EYA1: variants seen among roughly 807,000 people sequenced by gnomAD.
EYA1 encodes protein phosphatase EYA1.
Under a neutral mutation model 82.0 loss-of-function variants are expected in EYA1, and 16 were observed. The ratio of observed to expected loss-of-function variants is 0.20; its 90% CI spans 0.13 to 0.30. EYA1 has a LOEUF of 0.30. Ranked by LOEUF, EYA1 falls within the 10% of genes least tolerant of loss-of-function variation. EYA1 has a pLI of 1.00. For missense variants in EYA1, 633 were observed against 730.7 expected (o/e 0.87, Z 1.54); for synonymous variants, 261 against 264.4 (o/e 0.99, Z 0.12).
chr8:71,437,010 C>T (rs1442095038), intron 2 of EYA1, among the ~76,000 whole-genome samples: 1 of 150,518 alleles, frequency 6.6e-6, no homozygotes, highest in African/African-American at 2.4e-5. Flanking sequence ...GTAGGACATG[C>T]ATGCTTTTAT....
intron 2 of EYA1, among the ~76,000 whole-genome samples, chr8:71,405,532 C>T (rs1428653051): frequency 1.3e-5 from 2 of 152,166 alleles, no homozygotes. Flanking sequence ...TTTATTATCA[C>T]TGTTATTTTA....
intron 2 of EYA1, among the ~76,000 whole-genome samples, chr8:71,523,210 G>T (rs59379680): frequency 2.9e-4 from 35 of 118,760 alleles, no homozygotes; most frequent in Admixed American, 4.5e-4. Context: ...ACGGAGTCTC[G>T]CTTTGTCATC....
At chr8:71,420,177 AAT>A (rs1391840877) in intron 2 of EYA1, among the ~76,000 whole-genome samples, 1 of 152,218 alleles carries the variant, frequency 6.6e-6, no homozygotes, top group African/African-American at 2.4e-5. Context: ...AATTTAATTA[AAT>A]GAAAGCCAAA....
intron 2 of EYA1, among the ~76,000 whole-genome samples, chr8:71,394,152 T>G (rs1349934698): frequency 6.6e-6 from 1 of 152,224 alleles, no homozygotes; most frequent in Admixed American, 6.5e-5. Flanking sequence ...ATTTTTTTCT[T>G]GTAAATTTGT....
intron 8 of EYA1, 75 bp from the exon 9 acceptor site, chr8:71,299,308 T>G (rs1476104639): frequency 3.4e-6 from 5 of 1,472,218 alleles, no homozygotes; most frequent in Middle Eastern, 1.8e-4. Flanking sequence ...AGTGTAACTG[T>G]AAGTATGTTT....
chr8:71,523,335 C>T (rs1008048757), intron 2 of EYA1, among the ~76,000 whole-genome samples: 1 of 152,066 alleles, frequency 6.6e-6, no homozygotes, highest in South Asian at 2.1e-4. Flanking sequence ...CCCGCCACCA[C>T]GCCTGGCTAA....
intron 9 of EYA1, among the ~76,000 whole-genome samples, chr8:71,281,765 CT>C (rs1320644845): frequency 6.6e-6 from 1 of 152,190 alleles, no homozygotes; most frequent in Non-Finnish European, 1.5e-5. Context: ...TCTTAAAATT[CT>C]TTATTTTTGA....
chr8:71,244,585 T>C lies in EYA1; in HGVS notation c.1140+18A>G, dbSNP rs770955719. ...ATTTTCAGACATGCAAAAATATGTA[T>C]TAAAAATTAGAACTTACTTCTAAGT... On this transcript the variant is annotated intron_variant, in intron 12 of 17. Coordinates refer to ENST00000340726, the MANE Select transcript of EYA1 (RefSeq NM_000503.6). The C allele has an allele frequency of 7.5e-7, 1 of 1,328,522 alleles. No homozygotes were observed. The highest frequency in any genetic ancestry group is 1.5e-5 in the African/African-American group (1 of 68,490). The allele number at this position is 1,328,522 out of a possible 1,614,324, so 82.3% of individuals were successfully genotyped here.
chr8:71,455,573 C>A (rs930288469), intron 2 of EYA1, among the ~76,000 whole-genome samples: 1 of 152,224 alleles, frequency 6.6e-6, no homozygotes, highest in African/African-American at 2.4e-5. Flanking sequence ...ATCAAGTGGG[C>A]TTCATCCCTG....
intron 2 of EYA1, among the ~76,000 whole-genome samples, chr8:71,528,897 C>T (rs955822487): frequency 6.6e-6 from 1 of 152,198 alleles, no homozygotes; most frequent in African/African-American, 2.4e-5. Flanking sequence ...AGCTAAGGCT[C>T]AAGCAGATGT....
chr8:71,408,593 CT>C, intron 2 of EYA1, among the ~76,000 whole-genome samples: 1 of 94,384 alleles, frequency 1.1e-5, no homozygotes, highest in Non-Finnish European at 2.1e-5. Flanking sequence ...ATAAAACAGA[CT>C]TTAAACCAAC....
chr8:71,443,109 A>G (rs912233254), intron 2 of EYA1, among the ~76,000 whole-genome samples: 19 of 152,234 alleles, frequency 1.2e-4, no homozygotes. Context: ...ATGGCTAGGT[A>G]TTAAAACACA....
intron 12 of EYA1, among the ~76,000 whole-genome samples, chr8:71,219,066 C>A (rs1050258786): frequency 8.5e-5 from 13 of 152,128 alleles, no homozygotes; most frequent in South Asian, 4.1e-4. Flanking sequence ...AGCTGTAAAT[C>A]CTCATTACTA....
chr8:71,351,136 C>T (rs1054511905), intron 3 of EYA1, among the ~76,000 whole-genome samples: 1 of 152,010 alleles, frequency 6.6e-6, no homozygotes, highest in African/African-American at 2.4e-5. Flanking sequence ...TCTATTCCAT[C>T]TTGGCCTCCA....
chr8:71,299,129 C>T lies in EYA1; in HGVS notation c.744G>A (p.Thr248=), dbSNP rs10098224. ...HYMTSSNTSP[T]TPSTNATYQL... is the part of the protein sequence containing the mutation. ...GGTAAGTGGCATTGGTGGATGGTGT[C>T]GTTGGGCTGGTGTTGCTGCTGGTCA... The change falls in exon 9 of 18, where the codon ACG becomes ACA. Residue 248 remains threonine (T), a synonymous_variant. Coordinates refer to ENST00000340726, the MANE Select transcript of EYA1 (RefSeq NM_000503.6). 1,390 of 1,614,072 alleles carry T rather than the reference C, an allele frequency of 8.6e-4. 8 individuals are homozygous for T. In the African/African-American group the frequency reaches 0.016, roughly 19 times the overall value.
At chr8:71,229,579 A>ATT (rs1810958044) in intron 12 of EYA1, among the ~76,000 whole-genome samples, 1 of 152,220 alleles carries the variant, frequency 6.6e-6, no homozygotes, top group South Asian at 2.1e-4. Flanking sequence ...TTATGAAAGA[A>ATT]TTGATGACCC....
rs749531526 is a variant in EYA1, at chr8:71,211,297, G to A, written c.1598-41C>T. 6 of 1,323,370 alleles carry A rather than the reference G, an allele frequency of 4.5e-6. No individual in the cohort carries two copies. In the East Asian group the frequency reaches 1.4e-4, roughly 30 times the overall value. The allele number at this position is 1,323,370 out of a possible 1,614,324, so 82.0% of individuals were successfully genotyped here. ...AAATGATAGAAAATGTGAAGTTTGG[G>A]TAACCTAATGTGACAGTGCTTGAAC... On this transcript the variant is annotated intron_variant, in intron 16 of 17. Transcript: ENST00000340726.
intron 2 of EYA1, among the ~76,000 whole-genome samples, chr8:71,506,777 G>A (rs1812223906): frequency 6.6e-6 from 1 of 152,020 alleles, no homozygotes; most frequent in African/African-American, 2.4e-5. Context: ...ATTTTCAAGT[G>A]CTTTACTATG....
intron 2 of EYA1, among the ~76,000 whole-genome samples, chr8:71,447,710 C>T (rs1807001212): frequency 6.6e-6 from 1 of 152,160 alleles, no homozygotes; most frequent in Admixed American, 6.5e-5. Flanking sequence ...TAAAAGTTAA[C>T]ACTGTAGTCT....
Sources: gnomAD v4.1 joint callset for allele counts (sites outside exome capture counted in the v4.1 genomes callset) on GRCh38, gnomAD v4.1.1 for gene constraint, MANE v1.5 for transcripts, NCBI Gene and HGNC (gene_info 2026-07-23, HGNC 2026-07-21) for gene names.